The following CFAP20DC variants were observed in gnomAD, a reference collection of about 807,000 sequenced individuals.
CFAP20DC encodes the protein CFAP20 domain containing.
CFAP20DC carries 84 observed loss-of-function variants against 101.7 expected under a neutral mutation model. That is an observed-to-expected ratio of 0.83 (90% CI 0.69 to 0.99). The LOEUF is 0.99. Ranked by LOEUF, CFAP20DC falls within the 50% of genes least tolerant of loss-of-function variation. The probability of loss-of-function intolerance (pLI) is 0.00; values close to 1 mark genes in which losing one functional copy is unlikely to be tolerated. For synonymous variants in CFAP20DC, 359 were observed against 351.2 expected, an observed-to-expected ratio of 1.02 and a Z score of -0.25; for missense variants, 1,007 against 970.3, an observed-to-expected ratio of 1.04 and a Z score of -0.50.
At chr3:58,802,566 G>A (rs146181611) in intron 15 of CFAP20DC, among the ~76,000 whole-genome samples, 292 of 152,340 alleles carry the variant, frequency 1.9e-3, no homozygotes, top group African/African-American at 6.5e-3. Flanking sequence ...GCCTAACAGC[G>A]TAAGGGGAAA....
At chr3:58,936,348 T>C (rs530226204) in intron 5 of CFAP20DC, among the ~76,000 whole-genome samples, 233 of 152,150 alleles carry the variant, frequency 1.5e-3, no homozygotes, top group Middle Eastern at 3.4e-3. Context: ...AGTTCAACCA[T>C]TGTGGAAGTC....
At chr3:58,996,552 C>T (rs2093141189) in intron 4 of CFAP20DC, among the ~76,000 whole-genome samples, 1 of 152,150 alleles carries the variant, frequency 6.6e-6, no homozygotes, top group Non-Finnish European at 1.5e-5. Context: ...ACATAGACAG[C>T]CTTTTCAGGT....
chr3:59,032,340 C>T (rs562615849), intron 4 of CFAP20DC, among the ~76,000 whole-genome samples: 6 of 151,880 alleles, frequency 4.0e-5, no homozygotes, highest in African/African-American at 1.2e-4. Flanking sequence ...GGAATGCCAG[C>T]GAGACAGAAC....
At chr3:58,753,518 T>C (rs2068715180) in intron 16 of CFAP20DC, among the ~76,000 whole-genome samples, 1 of 152,182 alleles carries the variant, frequency 6.6e-6, no homozygotes, top group Non-Finnish European at 1.5e-5. Flanking sequence ...CCAAACCATA[T>C]TCTTATACCT....
At chr3:58,739,128 A>C (rs1028338409), downstream of CFAP20DC, among the ~76,000 whole-genome samples, 1 of 152,212 alleles carries the variant, frequency 6.6e-6, no homozygotes, top group Non-Finnish European at 1.5e-5. Context: ...TGTATTATGA[A>C]TATATCAGTA....
intron 15 of CFAP20DC, among the ~76,000 whole-genome samples, chr3:58,775,807 G>A (rs1001477793): frequency 2.3e-4 from 34 of 148,578 alleles, no homozygotes; most frequent in South Asian, 4.3e-4. Context: ...GTGCAGTGGC[G>A]TGATCTCGTC....
At position 58,894,411 on chromosome 3, in the gene CFAP20DC, G is replaced by T. The variant is rs771366891; in HGVS notation, c.551-9702C>A. ...GAGAGAAATTGGCAAAAACAAAGAA[G>T]CTACAGGCCCCATGCAAGTCCAAAA... On this transcript the variant is annotated intron_variant, in intron 6 of 16. Transcript: ENST00000482387. The surrounding 1 kb of genome is among the most constrained non-coding windows in gnomAD (Gnocchi z 4.1). Among the ~76,000 whole-genome samples, 5 of 152,162 alleles carry T rather than the reference G, an allele frequency of 3.3e-5. No homozygotes were observed. The highest frequency in any genetic ancestry group is 5.9e-5 in the Non-Finnish European group (4 of 68,026).
intron 4 of CFAP20DC, among the ~76,000 whole-genome samples, chr3:58,939,230 T>C (rs931303210): frequency 6.6e-6 from 1 of 152,194 alleles, no homozygotes; most frequent in African/African-American, 2.4e-5. Context: ...ACAAATATTT[T>C]ACTAATGGGG....
chr3:58,959,793 A>T (rs1399392531), intron 4 of CFAP20DC, among the ~76,000 whole-genome samples: 1 of 152,208 alleles, frequency 6.6e-6, no homozygotes, highest in Non-Finnish European at 1.5e-5. Context: ...CAAAAACAAC[A>T]AGTGCTCACT....
chr3:59,040,356 T>C lies in CFAP20DC; in HGVS notation c.206-727A>G, dbSNP rs73078077. ...CTGCTTAAAAAATCAATTGATTTTATATTACCTCTCCAGATCTGTTCACTT... is the reference window on the plus strand; with the variant it reads ...CTGCTTAAAAAATCAATTGATTTTACATTACCTCTCCAGATCTGTTCACTT... On this transcript the variant is annotated intron_variant, in intron 3 of 16. Transcript: ENST00000482387. Among the ~76,000 whole-genome samples, 1,139 of 152,192 alleles carry C rather than the reference T, an allele frequency of 7.5e-3. 12 individuals are homozygous for C. Among genetic ancestry groups the C allele is most frequent in the Non-Finnish European group, 9.4e-3 (637 of 67,942 alleles).
At chr3:58,903,649 C>T (rs1303986245) in intron 6 of CFAP20DC, among the ~76,000 whole-genome samples, 1 of 152,110 alleles carries the variant, frequency 6.6e-6, no homozygotes, top group African/African-American at 2.4e-5. Flanking sequence ...GAGGGGAAAG[C>T]CTCTTATAAA....
At chr3:59,043,759 TA>T (rs1160798358) in intron 3 of CFAP20DC, among the ~76,000 whole-genome samples, 1 of 152,164 alleles carries the variant, frequency 6.6e-6, no homozygotes, top group Non-Finnish European at 1.5e-5. Flanking sequence ...CAACTCTACA[TA>T]ATGTGTTCCA....
At chr3:58,843,009 C>T (rs1018537041) in intron 13 of CFAP20DC, among the ~76,000 whole-genome samples, 1 of 152,200 alleles carries the variant, frequency 6.6e-6, no homozygotes, top group African/African-American at 2.4e-5. Context: ...GAAAACCCAT[C>T]TGTACATCAC....
chr3:58,909,148 T>C (rs2107309883), intron 6 of CFAP20DC, among the ~76,000 whole-genome samples: 1 of 152,256 alleles, frequency 6.6e-6, no homozygotes, highest in East Asian at 1.9e-4. Context: ...ATGTAAACTA[T>C]AGACTTTGGA....
chr3:58,801,486 T>A (rs1013235444), intron 15 of CFAP20DC, among the ~76,000 whole-genome samples: 1 of 151,204 alleles, frequency 6.6e-6, no homozygotes, highest in African/African-American at 2.5e-5. Context: ...GAGCGAAACT[T>A]AATCATTTGA....
At chr3:58,848,984 C>T (rs1268293641) in intron 13 of CFAP20DC, 48 bp downstream of exon 13, 3 of 1,514,874 alleles carry the variant, frequency 2.0e-6, no homozygotes, top group South Asian at 1.2e-5. Context: ...GAACGGAACA[C>T]AGCAGGATGT....
intron 14 of CFAP20DC, among the ~76,000 whole-genome samples, chr3:58,823,297 C>T (rs1230159528): frequency 1.3e-5 from 2 of 152,050 alleles, no homozygotes; most frequent in African/African-American, 2.4e-5. Flanking sequence ...TAGCAGTAAA[C>T]CTATTTCTAG....
intron 6 of CFAP20DC, among the ~76,000 whole-genome samples, chr3:58,908,011 T>C (rs758939333): frequency 3.3e-5 from 5 of 152,192 alleles, no homozygotes; most frequent in Admixed American, 6.5e-5. Context: ...TAGACTCCCT[T>C]ACGGATAATC....
rs2076411477 is a variant in CFAP20DC at position 58,831,796 on chromosome 3, C to T, written c.2065G>A (p.Glu689Lys). The change falls in exon 14 of 17, where the codon GAG becomes AAG. Residue 689 changes from glutamate (E) to lysine (K), a missense_variant. Transcript: ENST00000482387. The part of the protein sequence containing the change: ...SLRWQQNEEL[E>K]DAGTSHGLSA... ...AGGCCATGGGAGGTCCCAGCATCCT[C>T]CAGTTCTTCATTTTGTTGCCACCGT... 6.2e-7 allele frequency: 1 copy of T among 1,613,978 alleles called. No individual in the cohort carries two copies. The highest frequency in any genetic ancestry group is 8.5e-7 in the Non-Finnish European group (1 of 1,179,984).
Sources: gnomAD v4.1 joint callset for allele counts (sites outside exome capture counted in the v4.1 genomes callset) on GRCh38, gnomAD v4.1.1 for gene constraint, Gnocchi (gnomAD v3.1) non-coding constraint, MANE v1.5 for transcripts, NCBI Gene and HGNC (gene_info 2026-07-23, HGNC 2026-07-21) for gene names.